DOCK3: variants seen among roughly 807,000 people sequenced by gnomAD.
The protein encoded by DOCK3 is dedicator of cytokinesis 3.
A neutral mutation model predicts 265.6 loss-of-function variants in DOCK3; 60 were observed. That is an observed-to-expected ratio of 0.23 (90% CI 0.18 to 0.28). DOCK3 has a LOEUF of 0.28. DOCK3 is among the 10% of genes least tolerant of loss of function. The pLI, the probability that DOCK3 is intolerant of heterozygous loss-of-function variation, is 1.00. For synonymous variants in DOCK3, 881 were observed against 938.0 expected (o/e 0.94, Z 1.11); for missense variants, 1,981 against 2,594.3 (o/e 0.76, Z 5.14).
chr3:51,259,347 T>A (rs145296515), intron 22 of DOCK3, among the ~76,000 whole-genome samples: 135 of 152,342 alleles, frequency 8.9e-4, no homozygotes, highest in African/African-American at 3.2e-3. Flanking sequence ...CTTGCATAAG[T>A]TTCTCTCCAT....
intron 1 of DOCK3, among the ~76,000 whole-genome samples, chr3:50,775,217 C>T (rs968891308): frequency 3.3e-5 from 5 of 151,756 alleles, no homozygotes; most frequent in African/African-American, 4.8e-5. Context: ...TCAGATGTTT[C>T]GACAGATTCA....
At chr3:51,319,791 G>A (rs1181086954) in intron 32 of DOCK3, among the ~76,000 whole-genome samples, 1 of 151,900 alleles carries the variant, frequency 6.6e-6, no homozygotes, top group Non-Finnish European at 1.5e-5. Context: ...CTTGAACCTG[G>A]GAGGTGGGGT....
At chr3:51,293,284 G>A (rs2081891849) in intron 27 of DOCK3, among the ~76,000 whole-genome samples, 1 of 152,142 alleles carries the variant, frequency 6.6e-6, no homozygotes, top group Admixed American at 6.6e-5. Context: ...CAGACACATT[G>A]ACCAATAGAA....
At chr3:51,132,677 A>C (rs2084609282) in intron 9 of DOCK3, among the ~76,000 whole-genome samples, 1 of 152,188 alleles carries the variant, frequency 6.6e-6, no homozygotes, top group Non-Finnish European at 1.5e-5. Context: ...AACAGACACA[A>C]GTTCTTATCA....
Position 51,308,267 on chromosome 3 carries a change from G to T in DOCK3, c.2923-1965G>T, listed in dbSNP as rs534150681. On this transcript the variant is annotated intron_variant, in intron 27 of 52. Transcript: ENST00000266037. ...ATCATTCTTGGGTGTTTCTCGCAGA[G>T]GGGGATTTGGCAGGGTCATAGGACA... 3.1e-3 allele frequency among the ~76,000 whole-genome samples: 466 copies of T among 150,248 alleles called. 4 individuals are homozygous for T. The highest frequency in any genetic ancestry group is 3.4e-3 in the Middle Eastern group (1 of 290).
At chr3:51,226,089 G>T (rs2090315294) in intron 15 of DOCK3, among the ~76,000 whole-genome samples, 1 of 152,048 alleles carries the variant, frequency 6.6e-6, no homozygotes, top group Non-Finnish European at 1.5e-5. Flanking sequence ...CCTACTTTTG[G>T]TAACTGTTAT....
intron 4 of DOCK3, chr3:50,898,694 G>A (rs562577277): frequency 6.6e-6 from 1 of 152,178 alleles, no homozygotes; most frequent in South Asian, 2.1e-4. Context: ...GTTCTTTTTG[G>A]TTTCAAAGAA....
intron 9 of DOCK3, among the ~76,000 whole-genome samples, chr3:51,097,004 A>G (rs1159144262): frequency 6.6e-6 from 1 of 152,212 alleles, no homozygotes; most frequent in Non-Finnish European, 1.5e-5. Context: ...GGCACCCACC[A>G]GATGCCAGCC....
intron 1 of DOCK3, among the ~76,000 whole-genome samples, chr3:50,778,366 C>G (rs1364254536): frequency 2.0e-5 from 3 of 152,000 alleles, no homozygotes; most frequent in African/African-American, 7.3e-5. Flanking sequence ...CAAACTTGCT[C>G]AAAAAGTACA....
intron 4 of DOCK3, among the ~76,000 whole-genome samples, chr3:50,910,585 G>C (rs1238778088): frequency 6.6e-6 from 1 of 152,160 alleles, no homozygotes; most frequent in African/African-American, 2.4e-5. Context: ...GGTGCCTACT[G>C]CTGGGGTGTA....
In DOCK3 at chr3:50,773,494, T is replaced by C. The variant is rs139499738; in HGVS notation, c.38-5181T>C. On this transcript the variant is annotated intron_variant, in intron 1 of 52. Transcript: ENST00000266037. The stretch of plus-strand genomic sequence containing the variant: ...CAATTTTAAACAATGAAGGCTGTTG[T>C]TAATTTACATGTTCTTGTTAATTAG... 6.0e-3 allele frequency among the ~76,000 whole-genome samples: 913 copies of C among 152,280 alleles called. 19 individuals are homozygous for C. Among genetic ancestry groups the C allele is most frequent in the Non-Finnish European group, 3.9e-3 (268 of 67,966 alleles).
chr3:50,889,760 A>G (rs2048554939), intron 3 of DOCK3, among the ~76,000 whole-genome samples: 1 of 152,064 alleles, frequency 6.6e-6, no homozygotes, highest in South Asian at 2.1e-4. Context: ...TCTAATCTAC[A>G]ACTCTTTTAA....
chr3:50,799,877 A>C (rs2042983975), intron 2 of DOCK3, among the ~76,000 whole-genome samples: 1 of 152,052 alleles, frequency 6.6e-6, no homozygotes, highest in African/African-American at 2.4e-5. Flanking sequence ...CTTTTTTTCT[A>C]CACATAATTT....
At chr3:50,912,336 G>C (rs2049900477) in intron 4 of DOCK3, among the ~76,000 whole-genome samples, 1 of 152,080 alleles carries the variant, frequency 6.6e-6, no homozygotes, top group African/African-American at 2.4e-5. Flanking sequence ...CTGTAGCTGG[G>C]GATGGAGTGA....
At chr3:50,816,986 G>T (rs748116314) in intron 2 of DOCK3, among the ~76,000 whole-genome samples, 8 of 152,162 alleles carry the variant, frequency 5.3e-5, no homozygotes, top group Non-Finnish European at 1.2e-4. Flanking sequence ...TAAAGTGAAA[G>T]CAGGTTTATT....
chr3:51,354,759 C>A, intron 40 of DOCK3, 123 bp from the exon 41 acceptor site: 1 of 1,451,598 alleles, frequency 6.9e-7, no homozygotes. Flanking sequence ...GTGCCTGTCC[C>A]AGGGCCTGAT....
chr3:50,877,719 G>A, intron 3 of DOCK3: 4 of 352,212 alleles, frequency 1.1e-5, no homozygotes, highest in South Asian at 8.9e-5. Flanking sequence ...GTGTCACCAG[G>A]CTGGAGTGCA....
At chr3:50,958,839 T>C (rs1177280864) in intron 5 of DOCK3, among the ~76,000 whole-genome samples, 2 of 152,160 alleles carry the variant, frequency 1.3e-5, no homozygotes, top group Non-Finnish European at 2.9e-5. Context: ...ATGAAATGGA[T>C]TTAATATATT....
intron 32 of DOCK3, among the ~76,000 whole-genome samples, chr3:51,315,697 A>G (rs1389731846): frequency 2.6e-5 from 4 of 152,188 alleles, no homozygotes; most frequent in African/African-American, 9.7e-5. Flanking sequence ...CAGGACCAAT[A>G]GGGGCTAATG....
Sources: gnomAD v4.1 joint callset for allele counts (sites outside exome capture counted in the v4.1 genomes callset) on GRCh38, gnomAD v4.1.1 for gene constraint, MANE v1.5 for transcripts, NCBI Gene and HGNC (gene_info 2026-07-23, HGNC 2026-07-21) for gene names.